The following ABCC9 variants were observed in gnomAD, a reference collection of about 807,000 sequenced individuals.
ABCC9 encodes ATP binding cassette subfamily C member 9, also known as ATP-binding cassette sub-family C member 9.
In ABCC9, 95 loss-of-function variants were observed where a neutral mutation model predicts 188.3. The ratio of observed to expected loss-of-function variants is 0.50; its 90% CI spans 0.43 to 0.60. The LOEUF is 0.60. Ranked by LOEUF, ABCC9 falls within the 20% of genes least tolerant of loss-of-function variation. The pLI is 0.00. For synonymous variants in ABCC9, 659 were observed against 652.7 expected, an observed-to-expected ratio of 1.01 and a Z score of -0.15; for missense variants, 1,102 against 1,876.3, an observed-to-expected ratio of 0.59 and a Z score of 7.62.
chr12:21,926,155 C>CAATAAGATGTTTAAAATACAGATGTTTAA, intron 4 of ABCC9, 92 bp from the exon 5 acceptor site: 1 of 1,515,818 alleles, frequency 6.6e-7, no homozygotes. Flanking sequence ...TCTATCTTAG[C>CAATAAGATGTTTAAAATACAGATGTTTAA]AATAAGATGT....
rs1414785579 is a variant in ABCC9, at chr12:21,910,178, A to T, written c.1299T>A (p.Asn433Lys). 6.2e-7 allele frequency: 1 copy of T among 1,611,488 alleles called. No homozygotes were observed. The highest frequency in any genetic ancestry group is 8.5e-7 in the Non-Finnish European group (1 of 1,178,078). ...QLMWFLFLCP[N>K]LWAMPVQIIM... is the part of the protein sequence containing the mutation. ...CTACCTGAACAGGCATAGCCCATAG[A>T]TTGGGACACAGGAACAAAAACCACA... Residue 433 changes from asparagine (N) to lysine (K), a missense_variant, in exon 10 of 40, where the codon AAT (asparagine) becomes AAA (lysine). By Grantham distance (94) the Asn-to-Lys change is moderately conservative. This residue lies in a region of ABCC9 where 305 missense variants were observed against 573.0 expected (regional missense o/e 0.53). Transcript: ENST00000261200.
chr12:21,821,336 G>T (rs1446059755), intron 31 of ABCC9, among the ~76,000 whole-genome samples: 1 of 152,106 alleles, frequency 6.6e-6, no homozygotes, highest in East Asian at 1.9e-4. Context: ...ATGTTTAAGT[G>T]TTATGAGTTA....
chr12:21,827,402 G>T, intron 31 of ABCC9: 1 of 767,098 alleles, frequency 1.3e-6, no homozygotes, highest in Non-Finnish European at 1.6e-6. Context: ...TGATCTTCAA[G>T]TTCAGGAAAA....
chr12:21,861,903 C>T (rs1014569888), intron 20 of ABCC9, among the ~76,000 whole-genome samples: 1 of 152,168 alleles, frequency 6.6e-6, no homozygotes, highest in East Asian at 1.9e-4. Flanking sequence ...ATAGTGAGGA[C>T]TGACAGTCCT....
At chr12:21,854,398 A>T (rs912031782) in intron 22 of ABCC9, among the ~76,000 whole-genome samples, 1 of 152,216 alleles carries the variant, frequency 6.6e-6, no homozygotes, top group African/African-American at 2.4e-5. Flanking sequence ...AAGGGTAATT[A>T]AGAATTATAG....
chr12:21,932,423 CT>C (rs1422416386), intron 4 of ABCC9, among the ~76,000 whole-genome samples: 1 of 151,980 alleles, frequency 6.6e-6, no homozygotes, highest in Admixed American at 6.6e-5. Context: ...CAAATTGCAT[CT>C]AATTAAACTA....
chr12:21,903,131 C>T (rs892428342), intron 12 of ABCC9, among the ~76,000 whole-genome samples: 2 of 151,984 alleles, frequency 1.3e-5, no homozygotes, highest in African/African-American at 4.8e-5. Flanking sequence ...TGCAAAGCCT[C>T]GTTCAACATA....
At position 21,805,900 on chromosome 12, in the gene ABCC9, C is replaced by T. The variant is rs1195557027; in HGVS notation, c.4512+98G>A. 4.5e-6 allele frequency: 5 copies of T among 1,120,232 alleles called. No individual in the cohort carries two copies. The Admixed American group carries it at 8.9e-5, about 20-fold the overall frequency. The allele number at this position is 1,120,232 out of a possible 1,614,324, so 69.4% of individuals were successfully genotyped here. ...ATACAGAAACATTAGCAGAGAAATA[C>T]ATAATTCAACACAAGTATATTTTGC... On this transcript the variant is annotated intron_variant, in intron 39 of 39. Transcript: ENST00000261200.
intron 4 of ABCC9, among the ~76,000 whole-genome samples, chr12:21,932,774 T>C (rs1002762203): frequency 6.6e-6 from 1 of 152,100 alleles, no homozygotes; most frequent in African/African-American, 2.4e-5. Flanking sequence ...AGAATACTTA[T>C]GCACCATTTG....
chr12:21,811,311 A>G (rs900239633), intron 36 of ABCC9, among the ~76,000 whole-genome samples: 3 of 152,160 alleles, frequency 2.0e-5, no homozygotes, highest in Non-Finnish European at 4.4e-5. Context: ...TTTCTTTTAT[A>G]AATTACCTAG....
intron 36 of ABCC9, among the ~76,000 whole-genome samples, chr12:21,810,436 AG>A (rs1274168573): frequency 6.6e-6 from 1 of 152,186 alleles, no homozygotes; most frequent in Non-Finnish European, 1.5e-5. Context: ...ATAAAGAAAG[AG>A]GTTTAATTGA....
rs61211269 is a variant in ABCC9, at chr12:21,834,786, TACACACACACACAC to T, written c.3566+3278_3566+3291del. ...TATACATATAGCATATATAACATTA[TACACACACACACAC>T]ACACACACACACACACACACACACA... On this transcript the variant is annotated intron_variant, in intron 30 of 39. Coordinates refer to ENST00000261200, the MANE Select transcript of ABCC9 (RefSeq NM_020297.4). 7.6e-3 allele frequency among the ~76,000 whole-genome samples: 1,079 copies of T among 141,590 alleles called. 12 individuals are homozygous for T. The highest frequency in any genetic ancestry group is 0.027 in the African/African-American group (1,018 of 38,270). 92.9% of individuals were successfully genotyped at this position (141,590 alleles called of 152,430 possible).
At chr12:21,890,663 CT>C (rs1947110934) in intron 14 of ABCC9, among the ~76,000 whole-genome samples, 1 of 152,082 alleles carries the variant, frequency 6.6e-6, no homozygotes, top group Non-Finnish European at 1.5e-5. Context: ...AGTTCATGTC[CT>C]TTGTACGGAC....
chr12:21,893,471 T>A (rs1218640920), intron 14 of ABCC9, among the ~76,000 whole-genome samples: 2 of 152,188 alleles, frequency 1.3e-5, no homozygotes, highest in Non-Finnish European at 2.9e-5. Flanking sequence ...TATTCATTTT[T>A]AAAAATCTTA....
intron 30 of ABCC9, among the ~76,000 whole-genome samples, chr12:21,834,046 C>T (rs1299283670): frequency 6.6e-6 from 1 of 152,118 alleles, no homozygotes; most frequent in African/African-American, 2.4e-5. Flanking sequence ...TTTTTTAACC[C>T]TCTGAATTTT....
At chr12:21,870,261 G>GGT (rs934936299) in intron 18 of ABCC9, among the ~76,000 whole-genome samples, 3 of 145,710 alleles carry the variant, frequency 2.1e-5, no homozygotes, top group Non-Finnish European at 3.0e-5. Context: ...TTAGTTTTTT[G>GGT]TTTTTTTTTT....
At chr12:21,885,651 T>C (rs1372478917) in intron 15 of ABCC9, among the ~76,000 whole-genome samples, 1 of 152,178 alleles carries the variant, frequency 6.6e-6, no homozygotes, top group Non-Finnish European at 1.5e-5. Flanking sequence ...CATTTTTGTC[T>C]TTGTGTCCAT....
intron 16 of ABCC9, among the ~76,000 whole-genome samples, chr12:21,878,329 G>A (rs1173609083): frequency 6.6e-6 from 1 of 152,174 alleles, no homozygotes; most frequent in Non-Finnish European, 1.5e-5. Context: ...AAAGTGAAAG[G>A]AGGGTCTTTC....
rs759034996 is a variant in ABCC9 at position 21,926,057 on chromosome 12, C to T, written c.291G>A (p.Arg97=). 1 of 1,614,014 alleles carries T rather than the reference C, an allele frequency of 6.2e-7. No homozygotes were observed. Among genetic ancestry groups the T allele is most frequent in the South Asian group, 1.1e-5 (1 of 91,062 alleles). The change falls in exon 5 of 40, where the codon CGG becomes CGA. Residue 97 remains arginine, a synonymous_variant. Coordinates refer to ENST00000261200, the MANE Select transcript of ABCC9 (RefSeq NM_020297.4). ...TAAAGAGGTGGAGGTGCCTTGATTC[C>T]CGCCGCCTAGAAAGAGCAGTACGTC... ...IAEGIVSDSR[R]ESRHLHLFMP...
Sources: allele counts gnomAD v4.1 joint callset (sites outside exome capture counted in the v4.1 genomes callset), GRCh38; gene constraint gnomAD v4.1.1; regional missense constraint gnomAD v4.1.1; transcripts MANE v1.5; gene names NCBI Gene and HGNC (gene_info 2026-07-23, HGNC 2026-07-21).